Variants in DCLK3 observed in about 807,000 individuals in gnomAD.
DCLK3 encodes doublecortin like kinase 3.
DCLK3 carries 30 observed loss-of-function variants against 46.4 expected under a neutral mutation model. That is an observed-to-expected ratio of 0.65 (90% CI 0.48 to 0.88). The LOEUF is 0.88. Ranked by LOEUF, DCLK3 falls within the 40% of genes least tolerant of loss-of-function variation. DCLK3 has a pLI of 0.00. For synonymous variants in DCLK3, 401 were observed against 339.2 expected (o/e 1.18, Z -2.00); for missense variants, 846 against 907.1 (o/e 0.93, Z 0.87).
At chr3:36,736,373 G>A (rs1014258551) in intron 2 of DCLK3, among the ~76,000 whole-genome samples, 1 of 152,172 alleles carries the variant, frequency 6.6e-6, no homozygotes, top group African/African-American at 2.4e-5. Context: ...CTTATATGTG[G>A]TTTGGACAAT....
Position 36,715,289 on chromosome 3 carries a change from G to C in DCLK3, c.*39C>G. 1 of 1,605,712 alleles carries C rather than the reference G, an allele frequency of 6.2e-7. No individual in the cohort carries two copies. The highest frequency in any genetic ancestry group is 1.1e-5 in the South Asian group (1 of 89,356). On this transcript the variant is annotated 3_prime_UTR_variant, in exon 5 of 5. Transcript: ENST00000636136. The stretch of plus-strand genomic sequence containing the variant: ...AACTTCTATCCTTTTCTCTGTCCTT[G>C]AGCAGAACTGGGGGCTGGACAGATT...
At position 36,738,475 on chromosome 3, in the gene DCLK3, C is replaced by T. The variant is rs774231785; in HGVS notation, c.692G>A (p.Ser231Asn). 2.0e-6 allele frequency: 3 copies of T among 1,487,392 alleles called. No individual in the cohort carries two copies. The highest frequency in any genetic ancestry group is 1.4e-5 in the South Asian group (1 of 69,318). 92.1% of individuals were successfully genotyped at this position (1,487,392 alleles called of 1,614,324 possible). A position where few individuals can be genotyped will look rare whatever the true frequency, so the allele number is the denominator to read the frequency against. Reference sequence around the variant, plus strand: ...CTTGCATCCTGCAACTTCGCTGCAGCTCTTGGGGGTCTCGGTCTCCCCACA... The same window carrying T: ...CTTGCATCCTGCAACTTCGCTGCAGTTCTTGGGGGTCTCGGTCTCCCCACA... ...HRCGETETPKSCSEVAGCKAA... is the reference protein window; with the variant it reads ...HRCGETETPKNCSEVAGCKAA... Residue 231 changes from serine (S) to asparagine (N), a missense_variant, in exon 2 of 5, where the codon AGC becomes AAC. This residue lies in a region of DCLK3 where 553 missense variants were observed against 543.0 expected (regional missense o/e 1.02). Transcript: ENST00000636136.
chr3:36,759,060 C>T (rs1701513474), intron 1 of DCLK3, among the ~76,000 whole-genome samples: 1 of 151,906 alleles, frequency 6.6e-6, no homozygotes, highest in South Asian at 2.1e-4. Flanking sequence ...GAGTTTAGAC[C>T]CATGTAAAAC....
chr3:36,715,652 A>G (rs1456810804), intron 4 of DCLK3, 131 bp from the exon 5 acceptor site: 8 of 871,988 alleles, frequency 9.2e-6, no homozygotes, highest in African/African-American at 1.7e-5. Flanking sequence ...TTCATATTCT[A>G]GAGCAGCACA....
intron 1 of DCLK3, among the ~76,000 whole-genome samples, chr3:36,755,037 C>A (rs1701473839): frequency 6.6e-6 from 1 of 151,908 alleles, no homozygotes; most frequent in Non-Finnish European, 1.5e-5. Flanking sequence ...AATTGAAAAA[C>A]ACATGAAAAA....
chr3:36,719,412 A>C (rs1701029356), intron 3 of DCLK3, among the ~76,000 whole-genome samples: 1 of 152,220 alleles, frequency 6.6e-6, no homozygotes, highest in Non-Finnish European at 1.5e-5. Context: ...AGAATAAGTC[A>C]CTAATGACCT....
At chr3:36,722,501 C>T (rs1213824376) in intron 2 of DCLK3, among the ~76,000 whole-genome samples, 2 of 152,148 alleles carry the variant, frequency 1.3e-5, no homozygotes, top group Non-Finnish European at 2.9e-5. Flanking sequence ...ATATATGCAC[C>T]TAGTATGTAC....
chr3:36,747,201 T>C (rs1346526697), intron 1 of DCLK3, among the ~76,000 whole-genome samples: 1 of 152,144 alleles, frequency 6.6e-6, no homozygotes, highest in African/African-American at 2.4e-5. Flanking sequence ...AAAAACCTTT[T>C]TTCCTCTACT....
At chr3:36,731,451 GCACACACA>G (rs55823722) in intron 2 of DCLK3, among the ~76,000 whole-genome samples, 25 of 148,666 alleles carry the variant, frequency 1.7e-4, no homozygotes, top group Non-Finnish European at 2.7e-4. Flanking sequence ...CTTCGTGCGT[GCACACACA>G]CACACACACA....
At chr3:36,761,036 C>A (rs1449246837) in intron 1 of DCLK3, among the ~76,000 whole-genome samples, 1 of 152,204 alleles carries the variant, frequency 6.6e-6, no homozygotes, top group East Asian at 1.9e-4. Flanking sequence ...CTACATGACA[C>A]CCTGCCCTTT....
chr3:36,762,205 T>A (rs1701546088), intron 1 of DCLK3, among the ~76,000 whole-genome samples: 1 of 152,156 alleles, frequency 6.6e-6, no homozygotes, highest in South Asian at 2.1e-4. Flanking sequence ...GGGAACACCT[T>A]TTGTGAATTC....
chr3:36,737,255 G>C lies in DCLK3; in HGVS notation c.1912C>G (p.His638Asp). Residue 638 changes from histidine to aspartate, a missense_variant, in exon 2 of 5, where the codon CAC becomes GAC. This residue lies in a region of DCLK3 where 247 missense variants were observed against 322.8 expected (regional missense o/e 0.77). Transcript: ENST00000636136. This position sits in a 1 kb window ranked among gnomAD's most constrained non-coding sequence, Gnocchi z 4.4. Reference sequence around the variant, plus strand: ...TCCCGGTGGACAATGCTCTTGTCGTGCATGTGGACGAGGGCTTTGCATAAG... The same window carrying C: ...TCCCGGTGGACAATGCTCTTGTCGTCCATGTGGACGAGGGCTTTGCATAAG... ...MDLCKALVHM[H>D]DKSIVHRDLK... 1 of 1,614,182 alleles carries C rather than the reference G, an allele frequency of 6.2e-7. No homozygotes were observed. The highest frequency in any genetic ancestry group is 2.2e-5 in the East Asian group (1 of 44,882).
intron 1 of DCLK3, among the ~76,000 whole-genome samples, chr3:36,744,268 G>C (rs926764478): frequency 2.0e-5 from 3 of 152,172 alleles, no homozygotes; most frequent in African/African-American, 7.2e-5. Flanking sequence ...AAATAACTGA[G>C]CATTGCTAAT....
At chr3:36,734,865 C>T (rs1701241812) in intron 2 of DCLK3, among the ~76,000 whole-genome samples, 1 of 152,166 alleles carries the variant, frequency 6.6e-6, no homozygotes, top group South Asian at 2.1e-4. Flanking sequence ...TTCCTACTTC[C>T]TCAAACCACC....
chr3:36,742,641 C>CT (rs1701354745), intron 1 of DCLK3, among the ~76,000 whole-genome samples: 1 of 152,236 alleles, frequency 6.6e-6, no homozygotes, highest in Non-Finnish European at 1.5e-5. Flanking sequence ...CTGCTTCAAG[C>CT]TACTGGGAAG....
Position 36,715,266 on chromosome 3 carries a change from C to A in DCLK3, c.*62G>T. On this transcript the variant is annotated 3_prime_UTR_variant, in exon 5 of 5. Transcript: ENST00000636136. ...CCTCTTTCATTGTTTTTCTCTCAAA[C>A]TTCTATCCTTTTCTCTGTCCTTGAG... 6.4e-7 allele frequency: 1 copy of A among 1,571,968 alleles called. No individual in the cohort carries two copies. The highest frequency in any genetic ancestry group is 8.6e-7 in the Non-Finnish European group (1 of 1,160,420).
At position 36,714,305 on chromosome 3, in the gene DCLK3, T is replaced by C. The variant is rs1380749624; in HGVS notation, c.*1023A>G. ...TGAAAAAGCCACACTCTTGACTAGA[T>C]TTTGTGGCCTACTAACCAGGTCATT... On this transcript the variant is annotated 3_prime_UTR_variant, in exon 5 of 5. Coordinates refer to ENST00000636136, the MANE Select transcript of DCLK3 (RefSeq NM_001394672.2). 2.0e-5 allele frequency: 3 copies of C among 152,174 alleles called. No individual in the cohort carries two copies. The highest frequency in any genetic ancestry group is 4.4e-5 in the Non-Finnish European group (3 of 68,036). The allele number at this position is 152,174 out of a possible 1,614,324, so 9.4% of individuals were successfully genotyped here. A position where few individuals can be genotyped will look rare whatever the true frequency, so the allele number is the denominator to read the frequency against.
At chr3:36,736,523 A>C (rs187580088) in intron 2 of DCLK3, among the ~76,000 whole-genome samples, 21 of 152,282 alleles carry the variant, frequency 1.4e-4, no homozygotes, top group Admixed American at 5.2e-4. Context: ...CATAGCTGAG[A>C]TAAGGGTGTC....
intron 1 of DCLK3, among the ~76,000 whole-genome samples, chr3:36,752,937 T>A (rs1044885581): frequency 6.6e-6 from 1 of 152,212 alleles, no homozygotes; most frequent in Non-Finnish European, 1.5e-5. Context: ...TGTGAGCCAA[T>A]GAACAAATAG....
Sources: gnomAD v4.1 joint callset for allele counts (sites outside exome capture counted in the v4.1 genomes callset) on GRCh38, gnomAD v4.1.1 for gene constraint, gnomAD v4.1.1 regional missense constraint, Gnocchi (gnomAD v3.1) non-coding constraint, MANE v1.5 for transcripts, NCBI Gene and HGNC (gene_info 2026-07-23, HGNC 2026-07-21) for gene names.